The following COBLL1 variants were observed in gnomAD, a reference collection of about 807,000 sequenced individuals.
COBLL1 encodes cordon-bleu WH2 repeat protein like 1.
Under a neutral mutation model 94.8 loss-of-function variants are expected in COBLL1, and 50 were observed. The observed-to-expected ratio is 0.53, with a 90% CI of 0.42 to 0.67. COBLL1 has a LOEUF of 0.67. Among genes scored for constraint, COBLL1 ranks in the 30% least tolerant of loss-of-function variants. COBLL1 has a pLI of 0.00. For missense variants in COBLL1, 1,362 were observed against 1,348.7 expected, an observed-to-expected ratio of 1.01 and a Z score of -0.15; for synonymous variants, 448 against 473.8, an observed-to-expected ratio of 0.95 and a Z score of 0.71.
At chr2:164,755,959 C>T (rs905419297) in intron 2 of COBLL1, among the ~76,000 whole-genome samples, 10 of 152,040 alleles carry the variant, frequency 6.6e-5, no homozygotes, top group Non-Finnish European at 1.5e-4. Context: ...ATAGGGCCAG[C>T]TTTTGTTCAC....
At chr2:164,705,133 C>T in intron 7 of COBLL1, 28 bp from the exon 8 acceptor site, 2 of 1,484,364 alleles carry the variant, frequency 1.3e-6, no homozygotes, top group Non-Finnish European at 1.8e-6. Context: ...CAAATAAAAT[C>T]CTACATTTAG....
chr2:164,793,016 C>T (rs965426479), intron 2 of COBLL1, among the ~76,000 whole-genome samples: 1 of 152,154 alleles, frequency 6.6e-6, no homozygotes, highest in Non-Finnish European at 1.5e-5. Context: ...GGATCACCAC[C>T]CAGTCTGAGA....
chr2:164,838,425 A>C (rs1030465316), intron 2 of COBLL1, among the ~76,000 whole-genome samples: 2 of 152,264 alleles, frequency 1.3e-5, no homozygotes, highest in Non-Finnish European at 2.9e-5. Flanking sequence ...GAAGATAAGG[A>C]TATCAACTAC....
intron 2 of COBLL1, among the ~76,000 whole-genome samples, chr2:164,805,337 CTATATA>C (rs71028444): frequency 9.4e-4 from 16 of 17,040 alleles, no homozygotes; most frequent in Non-Finnish European, 1.2e-3. Context: ...CTCTCTCTCT[CTATATA>C]TATATATATA....
intron 2 of COBLL1, among the ~76,000 whole-genome samples, chr2:164,798,757 C>T (rs1423804747): frequency 8.0e-5 from 12 of 149,588 alleles, no homozygotes; most frequent in Admixed American, 8.0e-4. Context: ...CAGTGGCTCA[C>T]GCCTGTAATC....
chr2:164,841,677 G>A lies in COBLL1; in HGVS notation c.-51+33C>T, dbSNP rs558486664. ...CTTTTCCCGAAGAGAAGTTGGGAGG[G>A]CTGATCTCTCTTTTCCCACCCAAGG... On this transcript the variant is annotated intron_variant, in intron 1 of 13. Transcript: ENST00000652658. This position sits in a 1 kb window ranked among gnomAD's most constrained non-coding sequence, Gnocchi z 5.5. The A allele has an allele frequency of 3.2e-5, 13 of 400,352 alleles. No individual in the cohort carries two copies. In the East Asian group the frequency reaches 5.3e-4, roughly 16 times the overall value. The allele number at this position is 400,352 out of a possible 1,614,324, so 24.8% of individuals were successfully genotyped here.
intron 3 of COBLL1, among the ~76,000 whole-genome samples, chr2:164,734,865 G>A (rs1193672814): frequency 6.6e-6 from 1 of 152,086 alleles, no homozygotes; most frequent in Non-Finnish European, 1.5e-5. Context: ...AGCCTTGGGA[G>A]GTGTCAAATA....
chr2:164,763,144 C>T (rs1283934347), intron 2 of COBLL1, among the ~76,000 whole-genome samples: 2 of 152,186 alleles, frequency 1.3e-5, no homozygotes, highest in Non-Finnish European at 2.9e-5. Flanking sequence ...AAAATGTTTA[C>T]TGTCTCGCCA....
intron 10 of COBLL1, 29 bp downstream of exon 10, chr2:164,700,490 GCCA>G (rs777771304): frequency 3.7e-6 from 5 of 1,355,260 alleles, no homozygotes; most frequent in Non-Finnish European, 5.2e-6. Context: ...TAAACTAACG[GCCA>G]CCAACACTCC....
chr2:164,831,540 T>C (rs1415364105), intron 2 of COBLL1, among the ~76,000 whole-genome samples: 1 of 151,964 alleles, frequency 6.6e-6, no homozygotes, highest in African/African-American at 2.4e-5. Context: ...AAAAAATATT[T>C]TTTTTTGCTT....
At chr2:164,834,456 G>C (rs1385600768) in intron 2 of COBLL1, among the ~76,000 whole-genome samples, 2 of 152,084 alleles carry the variant, frequency 1.3e-5, no homozygotes. Flanking sequence ...TCTCCATTCT[G>C]CAAAATCCCC....
intron 2 of COBLL1, among the ~76,000 whole-genome samples, chr2:164,767,959 G>T (rs1439899691): frequency 6.6e-6 from 1 of 152,062 alleles, no homozygotes; most frequent in Non-Finnish European, 1.5e-5. Flanking sequence ...TTACCCTACT[G>T]GTCCTAGCCC....
chr2:164,662,802 G>T (rs923333242), intron 2 of COBLL1, among the ~76,000 whole-genome samples: 1 of 152,086 alleles, frequency 6.6e-6, no homozygotes, highest in Non-Finnish European at 1.5e-5. Flanking sequence ...TTCTGGCCAC[G>T]TGACATGCCT....
intron 2 of COBLL1, among the ~76,000 whole-genome samples, chr2:164,765,870 G>A (rs1687909539): frequency 1.3e-5 from 2 of 152,122 alleles, no homozygotes; most frequent in African/African-American, 2.4e-5. Context: ...GATCTCTGAA[G>A]TTCTTTTCAT....
intron 2 of COBLL1, among the ~76,000 whole-genome samples, chr2:164,803,337 G>A (rs1019981983): frequency 5.9e-5 from 9 of 151,654 alleles, no homozygotes; most frequent in East Asian, 1.9e-4. Context: ...AGGCCGAGGC[G>A]GGCGGATCAC....
intron 2 of COBLL1, among the ~76,000 whole-genome samples, chr2:164,805,341 A>ATATT (rs1684073671): frequency 1.2e-5 from 1 of 81,338 alleles, no homozygotes; most frequent in Non-Finnish European, 2.5e-5. Context: ...CTCTCTCTAT[A>ATATT]TATATATATA....
At chr2:164,756,971 A>G (rs534891140) in intron 2 of COBLL1, among the ~76,000 whole-genome samples, 1 of 152,292 alleles carries the variant, frequency 6.6e-6, no homozygotes, top group East Asian at 1.9e-4. Context: ...TAAATGGGTA[A>G]GGTATATTCA....
Position 164,836,047 on chromosome 2 carries a change from G to A in COBLL1, c.41+5109C>T, listed in dbSNP as rs1683303877. On this transcript the variant is annotated intron_variant, in intron 2 of 13. Coordinates refer to ENST00000652658, the MANE Select transcript of COBLL1 (RefSeq NM_001365672.2). ...AGTACAAATATAAGGTCATAATATT[G>A]TTATTCAATATCCTCTAACTCATGT... Among the ~76,000 whole-genome samples the A allele has an allele frequency of 2.0e-5, 3 of 151,996 alleles. No homozygotes were observed. In the East Asian group the frequency reaches 5.8e-4, roughly 29 times the overall value.
intron 3 of COBLL1, among the ~76,000 whole-genome samples, chr2:164,730,440 A>G (rs13407176): frequency 0.45 from 68,052 of 151,602 alleles, 15,404 homozygotes; most frequent in African/African-American, 0.52. Context: ...TGAGGTTGCA[A>G]TGAGCCGAGA....
Sources: gnomAD v4.1 joint callset for allele counts (sites outside exome capture counted in the v4.1 genomes callset) on GRCh38, gnomAD v4.1.1 for gene constraint, Gnocchi (gnomAD v3.1) non-coding constraint, MANE v1.5 for transcripts, NCBI Gene and HGNC (gene_info 2026-07-23, HGNC 2026-07-21) for gene names.